The following RAB2A variants were observed in gnomAD, a reference collection of about 807,000 sequenced individuals.
The protein encoded by RAB2A is RAB2A, member RAS oncogene family, also known as ras-related protein Rab-2A.
In RAB2A, 7 loss-of-function variants were observed where a neutral mutation model predicts 32.5. The ratio of observed to expected loss-of-function variants is 0.22; its 90% CI spans 0.12 to 0.40. RAB2A has a LOEUF of 0.40. Ranked by LOEUF, RAB2A falls within the 10% of genes least tolerant of loss-of-function variation. The pLI is 1.00. For missense variants in RAB2A, 108 were observed against 260.7 expected (o/e 0.41, Z 4.03); for synonymous variants, 79 against 85.2 (o/e 0.93, Z 0.40).
intron 6 of RAB2A, among the ~76,000 whole-genome samples, chr8:60,607,152 G>A (rs1200857568): frequency 5.5e-5 from 8 of 144,854 alleles, no homozygotes; most frequent in South Asian, 2.2e-4. Context: ...TTTTTGGGCC[G>A]GGCACAGTGG....
chr8:60,606,411 A>G (rs1327155910), intron 6 of RAB2A, among the ~76,000 whole-genome samples: 1 of 152,226 alleles, frequency 6.6e-6, no homozygotes, highest in Non-Finnish European at 1.5e-5. Context: ...ATTGGTACCC[A>G]GATCCTTTAA....
intron 1 of RAB2A, among the ~76,000 whole-genome samples, chr8:60,532,349 T>C (rs1037770243): frequency 6.6e-6 from 1 of 152,218 alleles, no homozygotes; most frequent in African/African-American, 2.4e-5. Flanking sequence ...AAGGCTTTAC[T>C]TGACACAAAA....
chr8:60,582,891 A>T (rs1238784809), intron 3 of RAB2A, among the ~76,000 whole-genome samples: 1 of 152,110 alleles, frequency 6.6e-6, no homozygotes, highest in Non-Finnish European at 1.5e-5. Context: ...CAAGCGATCC[A>T]CCAGTCATGG....
chr8:60,542,261 A>G (rs905275602), intron 1 of RAB2A, among the ~76,000 whole-genome samples: 3 of 152,198 alleles, frequency 2.0e-5, no homozygotes, highest in Non-Finnish European at 4.4e-5. Context: ...CATGCCTGTA[A>G]TCCCAGCACT....
rs76917185 is a variant in RAB2A, at chr8:60,617,705, G to A, written c.475-875G>A. ...GGTTGCAGTGAACCGAGATTGCGCCGCTGCACTCCATCCTAGGCGACAGGG... is the reference window on the plus strand; with the variant it reads ...GGTTGCAGTGAACCGAGATTGCGCCACTGCACTCCATCCTAGGCGACAGGG... On this transcript the variant is annotated intron_variant, in intron 6 of 7. Coordinates refer to ENST00000262646, the MANE Select transcript of RAB2A (RefSeq NM_002865.3). Among the ~76,000 whole-genome samples the A allele has an allele frequency of 3.5e-3, 532 of 152,116 alleles. 12 individuals are homozygous for A. In the East Asian group the frequency reaches 0.053, roughly 15 times the overall value.
At chr8:60,579,303 A>G (rs1803695600) in intron 3 of RAB2A, among the ~76,000 whole-genome samples, 1 of 152,204 alleles carries the variant, frequency 6.6e-6, no homozygotes, top group Non-Finnish European at 1.5e-5. Context: ...TTGGCCTCCC[A>G]AAGTGCTGGG....
intron 3 of RAB2A, among the ~76,000 whole-genome samples, chr8:60,572,654 C>T (rs1221425083): frequency 2.0e-5 from 3 of 152,116 alleles, no homozygotes; most frequent in Non-Finnish European, 4.4e-5. Flanking sequence ...TTTCTCTATT[C>T]TCCCATCTTA....
chr8:60,575,531 A>G (rs1474815838), intron 3 of RAB2A, among the ~76,000 whole-genome samples: 1 of 152,158 alleles, frequency 6.6e-6, no homozygotes, highest in Non-Finnish European at 1.5e-5. Context: ...ATGTCTATTC[A>G]TGACCCAAGA....
At chr8:60,539,749 C>T (rs1807611267) in intron 1 of RAB2A, among the ~76,000 whole-genome samples, 1 of 152,046 alleles carries the variant, frequency 6.6e-6, no homozygotes, top group East Asian at 1.9e-4. Context: ...ATGCGTTTTT[C>T]CTCCTTCTTG....
chr8:60,602,968 G>A (rs1055121243), intron 6 of RAB2A, among the ~76,000 whole-genome samples: 1 of 152,144 alleles, frequency 6.6e-6, no homozygotes, highest in African/African-American at 2.4e-5. Context: ...CTTGCTCTCT[G>A]GAGGACTCTC....
intron 6 of RAB2A, among the ~76,000 whole-genome samples, chr8:60,593,242 A>G (rs138929540): frequency 2.0e-5 from 3 of 152,328 alleles, no homozygotes; most frequent in African/African-American, 4.8e-5. Context: ...GTGTACTTAC[A>G]TAAGCCTAGA....
chr8:60,618,503 A>G lies in RAB2A; in HGVS notation c.475-77A>G, dbSNP rs984854690. On this transcript the variant is annotated intron_variant, in intron 6 of 7. Transcript: ENST00000262646. ...TGACTTTCATATGTTGAATGTTATG[A>G]TATTCTATAGAGCATATATAATGTT... 3.3e-5 allele frequency: 22 copies of G among 659,798 alleles called. No individual in the cohort carries two copies. The Admixed American group carries it at 8.1e-4, about 24-fold the overall frequency. The allele number at this position is 659,798 out of a possible 1,614,324, so 40.9% of individuals were successfully genotyped here.
intron 2 of RAB2A, among the ~76,000 whole-genome samples, chr8:60,569,711 C>T (rs1292810205): frequency 1.3e-5 from 2 of 152,040 alleles, no homozygotes; most frequent in East Asian, 1.9e-4. Flanking sequence ...CTGGGTCTCC[C>T]TACGTTGTCC....
intron 2 of RAB2A, among the ~76,000 whole-genome samples, chr8:60,570,520 G>T (rs756526070): frequency 6.6e-6 from 1 of 151,902 alleles, no homozygotes; most frequent in Admixed American, 6.6e-5. Flanking sequence ...CCACCCTGTG[G>T]CACAGAACAG....
intron 2 of RAB2A, among the ~76,000 whole-genome samples, chr8:60,565,993 G>A (rs1019391703): frequency 4.6e-5 from 7 of 152,068 alleles, no homozygotes; most frequent in Non-Finnish European, 7.4e-5. Flanking sequence ...GATTACAGGC[G>A]TGAGCCACCA....
At chr8:60,584,179 A>G (rs1307272213) in intron 3 of RAB2A, 29 bp from the exon 4 acceptor site, 2 of 1,526,488 alleles carry the variant, frequency 1.3e-6, no homozygotes, top group African/African-American at 1.4e-5. Context: ...GTATTAAAGG[A>G]AACTCTCCAA....
intron 1 of RAB2A, among the ~76,000 whole-genome samples, chr8:60,531,817 T>A (rs1193091330): frequency 6.6e-6 from 1 of 151,564 alleles, no homozygotes; most frequent in African/African-American, 2.4e-5. Context: ...TTTTTTTTTT[T>A]TTAACACGGA....
intron 2 of RAB2A, among the ~76,000 whole-genome samples, chr8:60,561,541 A>G (rs1366053581): frequency 1.3e-5 from 2 of 151,824 alleles, no homozygotes; most frequent in Admixed American, 6.6e-5. Context: ...TCTCATGCCT[A>G]TTTCATTTTT....
intron 3 of RAB2A, among the ~76,000 whole-genome samples, chr8:60,577,792 A>ATTTTTT (rs3055112): frequency 1.8e-5 from 2 of 112,946 alleles, no homozygotes; most frequent in Non-Finnish European, 3.5e-5. Context: ...CGCCCGGCTA[A>ATTTTTT]TTTTTTTTTT....
Sources: gnomAD v4.1 joint callset for allele counts (sites outside exome capture counted in the v4.1 genomes callset) on GRCh38, gnomAD v4.1.1 for gene constraint, MANE v1.5 for transcripts, NCBI Gene and HGNC (gene_info 2026-07-23, HGNC 2026-07-21) for gene names.